The following SESN3 variants were observed in gnomAD, a reference collection of about 807,000 sequenced individuals.
The protein encoded by SESN3 is sestrin 3.
A neutral mutation model predicts 55.3 loss-of-function variants in SESN3; 21 were observed. The observed-to-expected ratio is 0.38, with a 90% confidence interval of 0.27 to 0.55. SESN3 has a LOEUF of 0.55. Ranked by LOEUF, SESN3 falls within the 20% of genes least tolerant of loss-of-function variation. The pLI is 0.76. For missense variants in SESN3, 408 were observed against 604.3 expected, an observed-to-expected ratio of 0.68 and a Z score of 3.41; for synonymous variants, 181 against 203.1, an observed-to-expected ratio of 0.89 and a Z score of 0.93.
intron 7 of SESN3, among the ~76,000 whole-genome samples, chr11:95,178,208 A>G (rs765260033): frequency 2.6e-5 from 4 of 152,186 alleles, no homozygotes; most frequent in Non-Finnish European, 2.9e-5. Context: ...ATCTTGGAAT[A>G]TTCCCATGTG....
In SESN3 at chr11:95,230,907, G is replaced by A; in HGVS notation, c.-47C>T. On this transcript the variant is annotated 5_prime_UTR_variant, in exon 1 of 10. Coordinates refer to ENST00000536441, the MANE Select transcript of SESN3 (RefSeq NM_144665.4). The surrounding 1 kb of genome is among the most constrained non-coding windows in gnomAD (Gnocchi z 4.6). ...GAGAGCGGGCGGAGGGCCGGGTCCG[G>A]GCTGTCACTGCGGCCACTGCAGGGC... 2.2e-6 allele frequency: 3 copies of A among 1,362,184 alleles called. No individual in the cohort carries two copies. Among genetic ancestry groups the A allele is most frequent in the Non-Finnish European group, 2.9e-6 (3 of 1,022,676 alleles). 84.4% of individuals were successfully genotyped at this position (1,362,184 alleles called of 1,614,324 possible). A position where few individuals can be genotyped will look rare whatever the true frequency, so the allele number is the denominator to read the frequency against.
chr11:95,197,444 T>C (rs565059422), intron 1 of SESN3, among the ~76,000 whole-genome samples: 97 of 142,548 alleles, frequency 6.8e-4, no homozygotes, highest in African/African-American at 2.4e-3. Context: ...CCTTTTCTTT[T>C]CTTTTTTTTT....
rs1555117563 is a variant in SESN3 at position 95,173,122 on chromosome 11, A to AC, written c.*132_*133insG. ...GCACATTACAGCCGCAAAAAACAAA[A>AC]AAAAAAAAACAAACGGCTAAACTTT... On this transcript the variant is annotated 3_prime_UTR_variant, in exon 10 of 10. Transcript: ENST00000536441. The AC allele has an allele frequency of 2.6e-3, 1,360 of 519,102 alleles. 14 individuals are homozygous for AC. Among genetic ancestry groups the AC allele is most frequent in the African/African-American group, 0.025 (1,225 of 49,630 alleles). 32.2% of individuals were successfully genotyped at this position (519,102 alleles called of 1,614,324 possible).
chr11:95,225,288 G>A (rs1860928649), intron 1 of SESN3, among the ~76,000 whole-genome samples: 1 of 152,104 alleles, frequency 6.6e-6, no homozygotes, highest in South Asian at 2.1e-4. Context: ...GACCCACAGG[G>A]ATCCAAGGAC....
At chr11:95,181,428 TAAG>T (rs1860056854) in intron 6 of SESN3, among the ~76,000 whole-genome samples, 3 of 152,102 alleles carry the variant, frequency 2.0e-5, no homozygotes, top group South Asian at 2.1e-4. Flanking sequence ...AAATTTATCT[TAAG>T]AAGTTAAAAT....
Position 95,230,874 on chromosome 11 carries a change from G to T in SESN3, c.-14C>A. On this transcript the variant is annotated 5_prime_UTR_variant, in exon 1 of 10. Transcript: ENST00000536441. The surrounding 1 kb of genome is among the most constrained non-coding windows in gnomAD (Gnocchi z 4.6). ...GCCCCGGTTCATCGTGGCTGCGGGCGCCGAGGCGAGAGCGGGCGGAGGGCC... is the reference window on the plus strand; with the variant it reads ...GCCCCGGTTCATCGTGGCTGCGGGCTCCGAGGCGAGAGCGGGCGGAGGGCC... 6.4e-7 allele frequency: 1 copy of T among 1,561,056 alleles called. No individual in the cohort carries two copies. Among genetic ancestry groups the T allele is most frequent in the Non-Finnish European group, 8.6e-7 (1 of 1,160,782 alleles).
chr11:95,178,673 T>G, intron 7 of SESN3, 37 bp downstream of exon 7: 1 of 1,201,924 alleles, frequency 8.3e-7, no homozygotes, highest in South Asian at 1.2e-5. Flanking sequence ...AAAATGACAG[T>G]ATGTTCTAGT....
At chr11:95,174,265 A>G (rs1455787217) in intron 9 of SESN3, among the ~76,000 whole-genome samples, 1 of 152,252 alleles carries the variant, frequency 6.6e-6, no homozygotes, top group African/African-American at 2.4e-5. Flanking sequence ...AAACTGTTGT[A>G]TAAAGGAGAT....
At position 95,177,919 on chromosome 11, in the gene SESN3, T is replaced by C. The variant is rs1859988496; in HGVS notation, c.1057-10A>G. ...TTTCCCAGGTATAGTCCTAAAAGAA[T>C]AAAATGTATTTAATTACAAAGTGGG... On this transcript the variant is annotated splice_polypyrimidine_tract_variant and intron_variant, in intron 7 of 9. Transcript: ENST00000536441. The C allele has an allele frequency of 1.3e-6, 2 of 1,534,134 alleles. No homozygotes were observed. The highest frequency in any genetic ancestry group is 2.9e-5 in the African/African-American group (2 of 69,686).
chr11:95,230,640 C>A lies in SESN3; in HGVS notation c.78+143G>T, dbSNP rs1175928505. ...TCCAAACCCTCCTGCCCTCAACCCA[C>A]GCCCCCTTTCTCAGTCCCTGCGGAG... is the stretch of plus-strand genomic sequence containing the variant. On this transcript the variant is annotated intron_variant, in intron 1 of 9. Transcript: ENST00000536441. This position sits in a 1 kb window ranked among gnomAD's most constrained non-coding sequence, Gnocchi z 4.6. 4.1e-5 allele frequency: 25 copies of A among 614,520 alleles called. No individual in the cohort carries two copies. Among genetic ancestry groups the A allele is most frequent in the Admixed American group, 1.8e-4 (6 of 32,716 alleles). The allele number at this position is 614,520 out of a possible 1,614,324, so 38.1% of individuals were successfully genotyped here.
At chr11:95,179,620 G>A (rs1860024629) in intron 6 of SESN3, among the ~76,000 whole-genome samples, 1 of 152,026 alleles carries the variant, frequency 6.6e-6, no homozygotes, top group South Asian at 2.1e-4. Context: ...AAGCATATAG[G>A]GAGAAAGATC....
At chr11:95,174,259 T>C (rs1367346574) in intron 9 of SESN3, among the ~76,000 whole-genome samples, 1 of 152,228 alleles carries the variant, frequency 6.6e-6, no homozygotes, top group Non-Finnish European at 1.5e-5. Context: ...GCTTCGAAAC[T>C]GTTGTATAAA....
chr11:95,185,358 G>A lies in SESN3; in HGVS notation c.660C>T (p.Ile220=), dbSNP rs750536848. ...SGINPERDPE[I]SNGFRLISVN... ...CTGATATTAGCCTGAATCCATTGGA[G>A]ATTTCTGGATCTCTCTCTGGATTGA... Residue 220 remains isoleucine, a synonymous_variant, in exon 5 of 10, where the codon ATC becomes ATT. Coordinates refer to ENST00000536441, the MANE Select transcript of SESN3 (RefSeq NM_144665.4). 2 of 1,613,020 alleles carry A rather than the reference G, an allele frequency of 1.2e-6. No homozygotes were observed. Among genetic ancestry groups the A allele is most frequent in the Non-Finnish European group, 8.5e-7 (1 of 1,179,178 alleles).
chr11:95,196,752 G>T (rs144182243), intron 1 of SESN3, among the ~76,000 whole-genome samples: 2 of 152,302 alleles, frequency 1.3e-5, no homozygotes, highest in African/African-American at 4.8e-5. Context: ...ACAGGACAGC[G>T]CAGACATTTC....
intron 1 of SESN3, chr11:95,224,479 T>C (rs1860913833): frequency 2.3e-6 from 1 of 437,566 alleles, no homozygotes; most frequent in Non-Finnish European, 4.5e-6. Flanking sequence ...AATTGGCTGC[T>C]CTTGGCTGAA....
In SESN3 at chr11:95,193,497, G is replaced by A. The variant is rs762668129; in HGVS notation, c.104C>T (p.Pro35Leu). The A allele has an allele frequency of 1.3e-6, 2 of 1,593,916 alleles. No individual in the cohort carries two copies. Among genetic ancestry groups the A allele is most frequent in the Non-Finnish European group, 1.7e-6 (2 of 1,163,240 alleles). Residue 35 changes from proline (P) to leucine (L), a missense_variant, in exon 2 of 10, where the codon CCC becomes CTC. Pro to Leu is a moderately conservative substitution (Grantham distance 98). Around this residue, in one of 4 missense-constraint regions of SESN3, gnomAD observed 61 missense variants for 48.3 expected, o/e 1.26. Coordinates refer to ENST00000536441, the MANE Select transcript of SESN3 (RefSeq NM_144665.4). ...AAAGGCACTTGGTCCTCTTGTCAAG[G>A]GTTGAGACACTCTGATTCTTTTATC... is the stretch of plus-strand genomic sequence containing the variant. ...RKDKRIRVSQPLTRGPSAFIP... is the reference protein window; with the variant it reads ...RKDKRIRVSQLLTRGPSAFIP...
At chr11:95,222,329 C>G (rs936562713) in intron 1 of SESN3, among the ~76,000 whole-genome samples, 1 of 151,896 alleles carries the variant, frequency 6.6e-6, no homozygotes, top group Non-Finnish European at 1.5e-5. Flanking sequence ...ATGAAATGCT[C>G]GAAAGCAAAA....
intron 4 of SESN3, among the ~76,000 whole-genome samples, chr11:95,188,707 T>C (rs144890489): frequency 8.4e-4 from 127 of 152,042 alleles, no homozygotes; most frequent in African/African-American, 3.0e-3. Flanking sequence ...AAATAAACTT[T>C]CTGGTCCCAT....
chr11:95,226,204 T>C (rs1046465306), intron 1 of SESN3, among the ~76,000 whole-genome samples: 3 of 152,058 alleles, frequency 2.0e-5, no homozygotes, highest in Non-Finnish European at 4.4e-5. Flanking sequence ...AATGGAAAAA[T>C]ATATGGACTT....
Sources: allele counts gnomAD v4.1 joint callset (sites outside exome capture counted in the v4.1 genomes callset), GRCh38; gene constraint gnomAD v4.1.1; regional missense constraint gnomAD v4.1.1; non-coding constraint Gnocchi (gnomAD v3.1); transcripts MANE v1.5; gene names NCBI Gene and HGNC (gene_info 2026-07-23, HGNC 2026-07-21).